The following OPCML variants were observed in gnomAD, a reference collection of about 807,000 sequenced individuals.
OPCML encodes opioid-binding protein/cell adhesion molecule.
In OPCML, 13 loss-of-function variants were observed where a neutral mutation model predicts 37.8. The ratio of observed to expected loss-of-function variants is 0.34; its 90% CI spans 0.22 to 0.55. OPCML has a LOEUF of 0.55. Ranked by LOEUF, OPCML falls within the 20% of genes least tolerant of loss-of-function variation. The pLI is 0.91. For missense variants in OPCML, 341 were observed against 435.6 expected (o/e 0.78, Z 1.93); for synonymous variants, 176 against 168.8 (o/e 1.04, Z -0.33).
intron 2 of OPCML, among the ~76,000 whole-genome samples, chr11:132,807,942 G>T (rs1184996194): frequency 6.6e-6 from 1 of 152,164 alleles, no homozygotes; most frequent in Non-Finnish European, 1.5e-5. Flanking sequence ...TCTGGGCAAA[G>T]ATATTACAAT....
intron 1 of OPCML, among the ~76,000 whole-genome samples, chr11:133,047,262 G>C (rs1174533318): frequency 6.6e-6 from 1 of 152,256 alleles, no homozygotes; most frequent in Non-Finnish European, 1.5e-5. Flanking sequence ...GGCAGGACAA[G>C]ATAGAGCCAT....
intron 3 of OPCML, among the ~76,000 whole-genome samples, chr11:132,606,160 T>C (rs1005096737): frequency 6.6e-6 from 1 of 152,338 alleles, no homozygotes; most frequent in East Asian, 1.9e-4. Flanking sequence ...CCTATTTACA[T>C]TAAAAGTTAA....
chr11:132,884,411 G>C (rs1446687291), intron 2 of OPCML, among the ~76,000 whole-genome samples: 1 of 152,178 alleles, frequency 6.6e-6, no homozygotes, highest in African/African-American at 2.4e-5. Flanking sequence ...GGTTGCCGTA[G>C]AGAGAACCTG....
At chr11:132,671,072 A>T (rs1003043440) in intron 2 of OPCML, among the ~76,000 whole-genome samples, 2 of 152,180 alleles carry the variant, frequency 1.3e-5, no homozygotes, top group Non-Finnish European at 2.9e-5. Context: ...TCCTGAACAG[A>T]TTACACATCT....
At chr11:132,862,318 T>C (rs6590660) in intron 2 of OPCML, among the ~76,000 whole-genome samples, 38,829 of 152,122 alleles carry the variant, frequency 0.26, 5,563 homozygotes, top group South Asian at 0.34. Context: ...TCGGGTAGGC[T>C]GGGTGCATCA....
chr11:133,171,651 T>C (rs1302963604), intron 1 of OPCML, among the ~76,000 whole-genome samples: 2 of 152,246 alleles, frequency 1.3e-5, no homozygotes, highest in Middle Eastern at 3.2e-3. Flanking sequence ...ACAGTCAAGC[T>C]CTAAGACTGC....
intron 2 of OPCML, among the ~76,000 whole-genome samples, chr11:132,881,633 A>AATG (rs1943229021): frequency 1.3e-5 from 2 of 152,002 alleles, no homozygotes; most frequent in African/African-American, 2.4e-5. Context: ...TAATAATAAT[A>AATG]AAAAAGAAAA....
intron 1 of OPCML, among the ~76,000 whole-genome samples, chr11:133,438,324 C>T (rs937108030): frequency 6.6e-6 from 1 of 151,976 alleles, no homozygotes; most frequent in African/African-American, 2.4e-5. Context: ...TTTCAAATCA[C>T]AAGGGAGGGA....
At chr11:133,490,774 G>C (rs541198156) in intron 1 of OPCML, among the ~76,000 whole-genome samples, 2 of 152,208 alleles carry the variant, frequency 1.3e-5, no homozygotes, top group South Asian at 4.2e-4. Context: ...CATCAGCAGA[G>C]AGGCTACATC....
intron 4 of OPCML, among the ~76,000 whole-genome samples, chr11:132,523,836 TAA>T (rs1565635730): frequency 6.6e-6 from 1 of 152,198 alleles, no homozygotes; most frequent in African/African-American, 2.4e-5. Flanking sequence ...AGTAAATGCA[TAA>T]AAGAGTCAGC....
At chr11:132,463,205 C>A (rs2136920059) in intron 4 of OPCML, among the ~76,000 whole-genome samples, 1 of 152,320 alleles carries the variant, frequency 6.6e-6, no homozygotes, top group African/African-American at 2.4e-5. Flanking sequence ...TCACGTCTTT[C>A]CCTCTTCATT....
intron 3 of OPCML, among the ~76,000 whole-genome samples, chr11:132,655,344 G>A (rs1343241012): frequency 1.3e-5 from 2 of 152,202 alleles, no homozygotes; most frequent in East Asian, 1.9e-4. Flanking sequence ...GGTAGTGAGA[G>A]CTCACAGTCT....
intron 1 of OPCML, among the ~76,000 whole-genome samples, chr11:133,294,363 G>T (rs1375950768): frequency 6.6e-6 from 1 of 152,102 alleles, no homozygotes; most frequent in Non-Finnish European, 1.5e-5. Context: ...TATCACTGCT[G>T]GGCAGCACCT....
chr11:132,717,958 A>G (rs889776955), intron 2 of OPCML, among the ~76,000 whole-genome samples: 15 of 152,252 alleles, frequency 9.9e-5, no homozygotes, highest in Non-Finnish European at 1.9e-4. Context: ...ATCACTGAAG[A>G]GTAATCCTGT....
chr11:133,230,978 T>C (rs539351343), intron 1 of OPCML, among the ~76,000 whole-genome samples: 1 of 152,272 alleles, frequency 6.6e-6, no homozygotes, highest in Admixed American at 6.5e-5. Context: ...AGGGAGGGTG[T>C]GCAGGGCGCT....
chr11:132,790,118 T>C (rs535941335), intron 2 of OPCML, among the ~76,000 whole-genome samples: 1 of 152,336 alleles, frequency 6.6e-6, no homozygotes, highest in Admixed American at 6.5e-5. Context: ...AGCAAATCAT[T>C]ACATGAAAGA....
chr11:132,917,611 A>G (rs902315104), intron 2 of OPCML, among the ~76,000 whole-genome samples: 2 of 152,192 alleles, frequency 1.3e-5, no homozygotes, highest in African/African-American at 2.4e-5. Context: ...GTTCCCTCCA[A>G]AGAAATTCTA....
At chr11:132,450,123 A>G (rs1206016010) in intron 4 of OPCML, among the ~76,000 whole-genome samples, 3 of 152,182 alleles carry the variant, frequency 2.0e-5, no homozygotes, top group African/African-American at 7.2e-5. Context: ...CAGGGGAGAC[A>G]GACCCCTGCC....
At chr11:133,400,817 A>C (rs898224660) in intron 1 of OPCML, among the ~76,000 whole-genome samples, 4 of 152,132 alleles carry the variant, frequency 2.6e-5, no homozygotes, top group Non-Finnish European at 5.9e-5. Context: ...GCCATGACTC[A>C]AGTTGGGATC....
Sources: allele counts gnomAD v4.1 joint callset (sites outside exome capture counted in the v4.1 genomes callset), GRCh38; gene constraint gnomAD v4.1.1; transcripts MANE v1.5; gene names NCBI Gene and HGNC (gene_info 2026-07-23, HGNC 2026-07-21).